Variants in C1orf21 observed in about 807,000 individuals in gnomAD.
C1orf21 encodes the protein uncharacterized protein C1orf21.
C1orf21 carries 3 observed loss-of-function variants against 18.7 expected under a neutral mutation model. The observed-to-expected ratio is 0.16, with a 90% CI of 0.07 to 0.42. The LOEUF (loss-of-function observed/expected upper bound fraction) is 0.42, where lower values mean the gene tolerates loss of function less well. Among genes scored for constraint, C1orf21 ranks in the 10% least tolerant of loss-of-function variants. The pLI is 0.99. For synonymous variants in C1orf21, 41 were observed against 46.4 expected (o/e 0.88, Z 0.47); for missense variants, 104 against 143.6 (o/e 0.72, Z 1.41).
intron 1 of C1orf21, among the ~76,000 whole-genome samples, chr1:184,440,120 C>T (rs559189788): frequency 8.7e-4 from 132 of 152,224 alleles, no homozygotes; most frequent in Admixed American, 2.1e-3. Context: ...GAAGTGATTT[C>T]CGATTTCTCC....
At chr1:184,430,996 C>T (rs768815137) in intron 1 of C1orf21, among the ~76,000 whole-genome samples, 42 of 152,160 alleles carry the variant, frequency 2.8e-4, no homozygotes, top group Non-Finnish European at 4.3e-4. Flanking sequence ...TGAAGAGGTG[C>T]TTCACATCCC....
At chr1:184,401,544 G>T (rs562491452) in intron 1 of C1orf21, among the ~76,000 whole-genome samples, 2 of 152,074 alleles carry the variant, frequency 1.3e-5, no homozygotes, top group South Asian at 4.2e-4. Context: ...TTTTATATTA[G>T]GGATAACATC....
At chr1:184,413,265 T>C (rs1302868147) in intron 1 of C1orf21, among the ~76,000 whole-genome samples, 1 of 152,010 alleles carries the variant, frequency 6.6e-6, no homozygotes, top group African/African-American at 2.4e-5. Flanking sequence ...TGACAAAATA[T>C]ATGTGGGAGA....
intron 3 of C1orf21, among the ~76,000 whole-genome samples, chr1:184,539,470 T>C (rs766380357): frequency 2.0e-5 from 3 of 152,218 alleles, no homozygotes; most frequent in African/African-American, 4.8e-5. Flanking sequence ...AGTGTCTTTG[T>C]CTGGCTTCCG....
intron 1 of C1orf21, among the ~76,000 whole-genome samples, chr1:184,475,346 C>G (rs909133427): frequency 3.9e-5 from 6 of 152,252 alleles, no homozygotes; most frequent in African/African-American, 1.4e-4. Flanking sequence ...CCTGCCCCCC[C>G]ATCCCCACCT....
At chr1:184,460,285 A>AGC (rs1462670251) in intron 1 of C1orf21, among the ~76,000 whole-genome samples, 1 of 152,178 alleles carries the variant, frequency 6.6e-6, no homozygotes, top group Non-Finnish European at 1.5e-5. Flanking sequence ...TGCTCATTTG[A>AGC]GCAACTGCTC....
At chr1:184,482,763 G>A (rs1404190339) in intron 2 of C1orf21, among the ~76,000 whole-genome samples, 1 of 152,208 alleles carries the variant, frequency 6.6e-6, no homozygotes, top group African/African-American at 2.4e-5. Context: ...TTTTCCTAAA[G>A]GTGTTAATTT....
chr1:184,610,629 G>A (rs926441901), intron 5 of C1orf21, among the ~76,000 whole-genome samples: 2 of 152,096 alleles, frequency 1.3e-5, no homozygotes, highest in Non-Finnish European at 2.9e-5. Context: ...GGCGGATCAC[G>A]AGGTCAAGAG....
At chr1:184,507,742 G>A in intron 3 of C1orf21, 60 bp downstream of exon 3, 3 of 1,339,858 alleles carry the variant, frequency 2.2e-6, no homozygotes, top group Non-Finnish European at 3.1e-6. Context: ...AATAAAATCT[G>A]CACTGCATGT....
At chr1:184,506,848 G>A (rs1286873146) in intron 2 of C1orf21, among the ~76,000 whole-genome samples, 4 of 152,096 alleles carry the variant, frequency 2.6e-5, no homozygotes, top group African/African-American at 7.2e-5. Flanking sequence ...TGTTGCGGAG[G>A]CTAGGTCCCA....
chr1:184,603,695 T>A (rs1001692600), intron 5 of C1orf21, among the ~76,000 whole-genome samples: 1 of 152,144 alleles, frequency 6.6e-6, no homozygotes, highest in Non-Finnish European at 1.5e-5. Context: ...CTCGGGAGGC[T>A]GAGGCATGAG....
intron 2 of C1orf21, among the ~76,000 whole-genome samples, chr1:184,485,762 A>G (rs1313671425): frequency 6.6e-6 from 1 of 152,158 alleles, no homozygotes; most frequent in Admixed American, 6.5e-5. Flanking sequence ...GCTTAGTGAT[A>G]GACTTTAGCT....
intron 1 of C1orf21, among the ~76,000 whole-genome samples, chr1:184,461,834 G>T (rs1657311329): frequency 6.6e-6 from 1 of 152,044 alleles, no homozygotes; most frequent in Non-Finnish European, 1.5e-5. Context: ...CTGCTGGAAT[G>T]GTTGATTAAA....
At chr1:184,452,005 C>T (rs911726808) in intron 1 of C1orf21, among the ~76,000 whole-genome samples, 18 of 152,280 alleles carry the variant, frequency 1.2e-4, no homozygotes, top group African/African-American at 4.3e-4. Flanking sequence ...CCTTTGCTTT[C>T]CCTGGAAGGC....
At chr1:184,511,059 T>C (rs1183882841) in intron 3 of C1orf21, among the ~76,000 whole-genome samples, 1 of 152,178 alleles carries the variant, frequency 6.6e-6, no homozygotes, top group Non-Finnish European at 1.5e-5. Flanking sequence ...GCTGGAACGA[T>C]GATGAGTTGG....
chr1:184,581,757 T>C (rs1211996875), intron 3 of C1orf21, among the ~76,000 whole-genome samples: 3 of 152,238 alleles, frequency 2.0e-5, no homozygotes, highest in African/African-American at 7.2e-5. Flanking sequence ...TTTCTTAAGA[T>C]TGTAAATGTT....
chr1:184,421,062 A>G (rs73063512), intron 1 of C1orf21, among the ~76,000 whole-genome samples: 11,771 of 152,122 alleles, frequency 0.077, 788 homozygotes, highest in African/African-American at 0.18. Context: ...TAGTTTCACC[A>G]TTGTTTTGGT....
chr1:184,532,435 A>T (rs1399000165), intron 3 of C1orf21, among the ~76,000 whole-genome samples: 1 of 152,176 alleles, frequency 6.6e-6, no homozygotes, highest in Non-Finnish European at 1.5e-5. Context: ...TTCTATGATT[A>T]TATGGGTATG....
chr1:184,503,077 CAAAAAAAAAAAAAAAA>C (rs199599189), intron 2 of C1orf21, among the ~76,000 whole-genome samples: 1 of 61,642 alleles, frequency 1.6e-5, no homozygotes, highest in Non-Finnish European at 3.2e-5. Flanking sequence ...GAAACTGTCT[CAAAAAAAAAAAAAAAA>C]AAAAAAAAAG....
Sources: allele counts gnomAD v4.1 joint callset (sites outside exome capture counted in the v4.1 genomes callset), GRCh38; gene constraint gnomAD v4.1.1; transcripts MANE v1.5; gene names NCBI Gene and HGNC (gene_info 2026-07-23, HGNC 2026-07-21).